Variants in AGBL1 observed in about 807,000 individuals in gnomAD.
AGBL1 encodes the protein cytosolic carboxypeptidase 4.
A neutral mutation model predicts 118.9 loss-of-function variants in AGBL1; 130 were observed. The ratio of observed to expected loss-of-function variants is 1.09; its 90% confidence interval spans 0.95 to 1.26. The LOEUF (loss-of-function observed/expected upper bound fraction) is 1.26, where lower values mean the gene tolerates loss of function less well. Among genes scored for constraint, AGBL1 ranks in the 50% most tolerant of loss-of-function variants. The pLI, the probability that AGBL1 is intolerant of heterozygous loss-of-function variation, is 0.00. For missense variants in AGBL1, 1,584 were observed against 1,298.1 expected (o/e 1.22, Z -3.38); for synonymous variants, 555 against 478.9 (o/e 1.16, Z -2.08).
intron 23 of AGBL1, among the ~76,000 whole-genome samples, chr15:86,966,678 G>A (rs1368446736): frequency 6.6e-6 from 1 of 152,064 alleles, no homozygotes; most frequent in Non-Finnish European, 1.5e-5. Flanking sequence ...TGGCTGCATA[G>A]TATTGCATGG....
intron 24 of AGBL1, among the ~76,000 whole-genome samples, chr15:87,027,367 G>A (rs916085324): frequency 2.6e-4 from 40 of 151,918 alleles, no homozygotes; most frequent in African/African-American, 9.7e-4. Context: ...GGAAGACATC[G>A]TGGTGATTCC....
At chr15:86,445,307 G>C (rs1596123937) in intron 18 of AGBL1, among the ~76,000 whole-genome samples, 1 of 152,356 alleles carries the variant, frequency 6.6e-6, no homozygotes, top group East Asian at 1.9e-4. Context: ...TGCTTACAAA[G>C]ATATGACTTT....
At chr15:86,634,047 A>G (rs946979362) in intron 21 of AGBL1, among the ~76,000 whole-genome samples, 2 of 151,684 alleles carry the variant, frequency 1.3e-5, no homozygotes, top group African/African-American at 4.8e-5. Flanking sequence ...GGCTGAAATA[A>G]AAAGACAGAA....
At chr15:86,769,039 A>T (rs1367669683) in intron 22 of AGBL1, among the ~76,000 whole-genome samples, 1 of 151,994 alleles carries the variant, frequency 6.6e-6, no homozygotes, top group South Asian at 2.1e-4. Flanking sequence ...CAGTCGCCAA[A>T]GGAGCATATT....
At chr15:86,987,854 T>C (rs1359907240) in intron 23 of AGBL1, 15 of 890,516 alleles carry the variant, frequency 1.7e-5, no homozygotes, top group Non-Finnish European at 2.2e-5. Flanking sequence ...GTTGCTGGTA[T>C]CTTACTATAT....
chr15:86,268,729 G>A (rs2079111586), intron 13 of AGBL1, among the ~76,000 whole-genome samples: 1 of 152,166 alleles, frequency 6.6e-6, no homozygotes, highest in African/African-American at 2.4e-5. Context: ...CATGTGTTGT[G>A]TGGTGAGCCC....
intron 18 of AGBL1, among the ~76,000 whole-genome samples, chr15:86,468,329 A>G (rs1312239629): frequency 1.3e-5 from 2 of 152,194 alleles, no homozygotes; most frequent in Non-Finnish European, 2.9e-5. Context: ...AACCCTGTCC[A>G]TCGCACAAAA....
At chr15:86,809,952 A>G (rs1373008924) in intron 22 of AGBL1, among the ~76,000 whole-genome samples, 2 of 152,008 alleles carry the variant, frequency 1.3e-5, no homozygotes, top group African/African-American at 4.8e-5. Context: ...ATAAATAATT[A>G]CCTCTAACAC....
chr15:86,885,370 A>G (rs2079955328), intron 22 of AGBL1, among the ~76,000 whole-genome samples: 1 of 152,224 alleles, frequency 6.6e-6, no homozygotes, highest in South Asian at 2.1e-4. Flanking sequence ...TTTCGCTCAC[A>G]CATCTTGTGA....
At position 86,148,921 on chromosome 15, in the gene AGBL1, C is replaced by T. The variant is rs544563440; in HGVS notation, c.262+5076C>T. 1.6e-4 allele frequency among the ~76,000 whole-genome samples: 25 copies of T among 152,298 alleles called. 1 individual carries two copies. Among genetic ancestry groups the T allele is most frequent in the Admixed American group, 1.2e-3 (19 of 15,300 alleles). ...AAAGGGAAGCCCATCAGACTAACAG[C>T]GGATCTCTTGGCAGAAACCCTACAA... On this transcript the variant is annotated intron_variant, in intron 3 of 22. Transcript: ENST00000614907.
intron 21 of AGBL1, among the ~76,000 whole-genome samples, chr15:86,626,113 C>T (rs1054648404): frequency 2.0e-5 from 3 of 152,108 alleles, no homozygotes; most frequent in African/African-American, 7.2e-5. Flanking sequence ...TCCTCAAAGT[C>T]CTAAAGACAG....
rs536471527 is a variant in AGBL1 at position 86,723,658 on chromosome 15, T to TA, written c.3158+49230dup. On this transcript the variant is annotated intron_variant, in intron 22 of 22. Transcript: ENST00000614907. ...TACCCTAAAACTTAAAGTATAATAA[T>TA]AAAAAAAAGAAAACAAAGCAAATTG... is the stretch of plus-strand genomic sequence containing the variant. 3.1e-4 allele frequency among the ~76,000 whole-genome samples: 46 copies of TA among 148,866 alleles called. 1 individual carries two copies. In the East Asian group the frequency reaches 3.9e-3, roughly 13 times the overall value.
At chr15:86,177,420 T>C (rs1259569585) in intron 5 of AGBL1, among the ~76,000 whole-genome samples, 1 of 152,194 alleles carries the variant, frequency 6.6e-6, no homozygotes, top group African/African-American at 2.4e-5. Flanking sequence ...ATATAGATGA[T>C]TTAAATAACA....
At chr15:86,272,533 A>G (rs1158462025) in intron 15 of AGBL1, among the ~76,000 whole-genome samples, 2 of 152,236 alleles carry the variant, frequency 1.3e-5, no homozygotes, top group Admixed American at 6.5e-5. Context: ...CTAAAAAAGT[A>G]TGATCAGACA....
At chr15:86,399,430 T>A (rs1216980496) in intron 18 of AGBL1, among the ~76,000 whole-genome samples, 1 of 152,172 alleles carries the variant, frequency 6.6e-6, no homozygotes, top group Admixed American at 6.6e-5. Flanking sequence ...AATCTCTCCT[T>A]CGCTGGAATT....
chr15:86,212,980 C>A (rs574424009), intron 5 of AGBL1, among the ~76,000 whole-genome samples: 3 of 152,138 alleles, frequency 2.0e-5, no homozygotes, highest in Non-Finnish European at 4.4e-5. Flanking sequence ...CCCATATCAT[C>A]TGAGTTTTAA....
Position 86,258,073 on chromosome 15 carries a change from C to G in AGBL1, c.969+42C>G, listed in dbSNP as rs372187949. The G allele has an allele frequency of 2.3e-5, 36 of 1,576,708 alleles. No individual in the cohort carries two copies. The African/African-American group carries it at 4.5e-4, about 20-fold the overall frequency. On this transcript the variant is annotated intron_variant, in intron 9 of 22. Transcript: ENST00000614907. ...ATGCTTCTAATGATGTCCATAGTCA[C>G]ATCATGCACAGAAAAATATTACTTC...
chr15:86,477,408 C>T (rs1196707098), intron 18 of AGBL1, among the ~76,000 whole-genome samples: 7 of 152,178 alleles, frequency 4.6e-5, no homozygotes, highest in East Asian at 1.9e-4. Context: ...ATATCACCAC[C>T]GATTCCACAG....
intron 6 of AGBL1, among the ~76,000 whole-genome samples, chr15:86,228,170 A>G (rs1231642178): frequency 6.6e-6 from 1 of 152,168 alleles, no homozygotes; most frequent in East Asian, 1.9e-4. Context: ...CATTGCCTAT[A>G]TGTCATGTAT....
Sources: allele counts gnomAD v4.1 joint callset (sites outside exome capture counted in the v4.1 genomes callset), GRCh38; gene constraint gnomAD v4.1.1; transcripts MANE v1.5; gene names NCBI Gene and HGNC (gene_info 2026-07-23, HGNC 2026-07-21).